The following RBFOX3 variants were observed in gnomAD, a reference collection of about 807,000 sequenced individuals.
RBFOX3 encodes RNA binding protein fox-1 homolog 3.
A neutral mutation model predicts 48.7 loss-of-function variants in RBFOX3; 17 were observed. The observed-to-expected ratio is 0.35, with a 90% confidence interval of 0.24 to 0.52. RBFOX3 has a LOEUF of 0.52. RBFOX3 is among the 20% of genes least tolerant of loss of function. The pLI is 0.94. For synonymous variants in RBFOX3, 212 were observed against 209.5 expected (o/e 1.01, Z -0.10); for missense variants, 382 against 497.5 (o/e 0.77, Z 2.21).
chr17:79,280,163 GCACACACCACTCACA>G (rs2069969288), intron 3 of RBFOX3, among the ~76,000 whole-genome samples: 1 of 99,518 alleles, frequency 1.0e-5, no homozygotes. Flanking sequence ...ACACACACAC[GCACACACCACTCACA>G]CACACATGCA....
intron 1 of RBFOX3, among the ~76,000 whole-genome samples, chr17:79,537,645 G>A (rs1461315311): frequency 1.3e-5 from 2 of 152,094 alleles, no homozygotes; most frequent in African/African-American, 4.8e-5. Context: ...AACAAAAACG[G>A]ACAAATCTAC....
intron 4 of RBFOX3, among the ~76,000 whole-genome samples, chr17:79,178,679 C>T (rs959552852): frequency 8.5e-5 from 13 of 152,230 alleles, no homozygotes; most frequent in African/African-American, 2.9e-4. Context: ...CGAGCTACTT[C>T]AGTAACCAAA....
chr17:79,631,315 C>T, the RBFOX3 span, among the ~76,000 whole-genome samples: 1 of 152,088 alleles, frequency 6.6e-6, no homozygotes, highest in Non-Finnish European at 1.5e-5. Context: ...TAGATGCCCC[C>T]AGGGTCAAGA....
intron 1 of RBFOX3, among the ~76,000 whole-genome samples, chr17:79,532,202 G>T (rs939817120): frequency 1.4e-4 from 22 of 152,260 alleles, no homozygotes; most frequent in African/African-American, 4.8e-4. Flanking sequence ...GCACTGGAGG[G>T]GGGAGGGGAG....
At chr17:79,133,039 C>CT (rs1202838702) in intron 4 of RBFOX3, among the ~76,000 whole-genome samples, 1 of 152,198 alleles carries the variant, frequency 6.6e-6, no homozygotes, top group African/African-American at 2.4e-5. Flanking sequence ...GCTGCCAAGG[C>CT]TGGGTGGGCC....
intron 1 of RBFOX3, among the ~76,000 whole-genome samples, chr17:79,565,403 G>A (rs1728876298): frequency 1.3e-5 from 2 of 149,602 alleles, no homozygotes; most frequent in Admixed American, 1.3e-4. Context: ...GCAACAGCAT[G>A]ATCTCAGCTC....
intron 3 of RBFOX3, among the ~76,000 whole-genome samples, chr17:79,256,580 T>C (rs969744977): frequency 1.3e-5 from 2 of 152,182 alleles, no homozygotes; most frequent in Admixed American, 6.5e-5. Flanking sequence ...AGAAAGTCTT[T>C]AGGTGGAAGA....
At chr17:79,230,483 T>A (rs563357081) in intron 4 of RBFOX3, among the ~76,000 whole-genome samples, 3,962 of 151,720 alleles carry the variant, frequency 0.026, 176 homozygotes, top group African/African-American at 0.091. Flanking sequence ...CTGGTCTCGA[T>A]CTGCTGACCT....
intron 4 of RBFOX3, among the ~76,000 whole-genome samples, chr17:79,164,823 A>G (rs2047677933): frequency 6.6e-6 from 1 of 152,106 alleles, no homozygotes; most frequent in South Asian, 2.1e-4. Flanking sequence ...AGGGGGAGCC[A>G]AACTGCAGAA....
At position 79,182,683 on chromosome 17, in the gene RBFOX3, G is replaced by A. The variant is rs576280037; in HGVS notation, c.-34+53083C>T. Among the ~76,000 whole-genome samples the A allele has an allele frequency of 4.9e-3, 740 of 151,970 alleles. 6 individuals are homozygous for A. The highest frequency in any genetic ancestry group is 0.017 in the African/African-American group (707 of 41,440). On this transcript the variant is annotated intron_variant, in intron 4 of 14. Transcript: ENST00000693108. ...CTCGCCAGCCGGAGCTTCCTGCGCA[G>A]CCCCCAAGATTGCAAAAGTCTGGCC...
chr17:79,187,867 G>T lies in RBFOX3; in HGVS notation c.-34+47899C>A, dbSNP rs1055113626. 2.0e-5 allele frequency among the ~76,000 whole-genome samples: 3 copies of T among 152,138 alleles called. No individual in the cohort carries two copies. The East Asian group carries it at 5.8e-4, about 29-fold the overall frequency. On this transcript the variant is annotated intron_variant, in intron 4 of 14. Transcript: ENST00000693108. The stretch of plus-strand genomic sequence containing the variant: ...CAGCAGACACCATGGGGGAAGGTCA[G>T]GCTGCGGATGGGAAACCCGGCAGAC...
At chr17:79,351,873 G>C (rs9895094) in intron 2 of RBFOX3, among the ~76,000 whole-genome samples, 128,194 of 152,136 alleles carry the variant, frequency 0.84, 54,178 homozygotes, top group Non-Finnish European at 0.89. Flanking sequence ...TGCTTTTGGA[G>C]TCCTACCCTC....
At chr17:79,148,944 C>T (rs893766751) in intron 4 of RBFOX3, among the ~76,000 whole-genome samples, 1 of 152,188 alleles carries the variant, frequency 6.6e-6, no homozygotes, top group African/African-American at 2.4e-5. Flanking sequence ...GGGCTTTCTC[C>T]AGGAACTTCA....
intron 4 of RBFOX3, among the ~76,000 whole-genome samples, chr17:79,151,294 A>T (rs901479844): frequency 1.3e-5 from 2 of 148,494 alleles, no homozygotes; most frequent in Non-Finnish European, 3.0e-5. Context: ...GGCTGAAGGG[A>T]CCCTGGGTCA....
intron 4 of RBFOX3, among the ~76,000 whole-genome samples, chr17:79,125,932 C>T (rs1009835462): frequency 1.3e-5 from 2 of 152,242 alleles, no homozygotes; most frequent in Non-Finnish European, 2.9e-5. Context: ...GGTCACCTGC[C>T]TGCCCAAGAG....
rs1253366080 is a variant in RBFOX3, at chr17:79,443,006, C to T, written c.-175+39448G>A. Among the ~76,000 whole-genome samples, 1 of 152,216 alleles carries T rather than the reference C, an allele frequency of 6.6e-6. No homozygotes were observed. The highest frequency in any genetic ancestry group is 2.4e-5 in the African/African-American group (1 of 41,464). ...CCAGCAGCTCGGCATTGGTCAGAAG[C>T]CTCCACCTGCCTGGAGAACCCCTGG... is the stretch of plus-strand genomic sequence containing the variant. On this transcript the variant is annotated intron_variant, in intron 2 of 14. Coordinates refer to ENST00000693108, the MANE Select transcript of RBFOX3 (RefSeq NM_001350451.2). This position sits in a 1 kb window ranked among gnomAD's most constrained non-coding sequence, Gnocchi z 4.4.
chr17:79,312,300 G>A (rs201124999), intron 2 of RBFOX3, among the ~76,000 whole-genome samples: 3 of 114,866 alleles, frequency 2.6e-5, no homozygotes, highest in Non-Finnish European at 5.8e-5. Context: ...AAAAAAAAAA[G>A]AGGGCGAAGG....
intron 4 of RBFOX3, among the ~76,000 whole-genome samples, chr17:79,176,434 C>T (rs951835276): frequency 2.6e-5 from 4 of 152,350 alleles, no homozygotes; most frequent in South Asian, 2.1e-4. Flanking sequence ...GCCGAGTAGT[C>T]CCAGCCTTCC....
At chr17:79,225,999 A>G (rs2060272656) in intron 4 of RBFOX3, among the ~76,000 whole-genome samples, 1 of 152,158 alleles carries the variant, frequency 6.6e-6, no homozygotes, top group Admixed American at 6.5e-5. Flanking sequence ...TGGTCAGAGT[A>G]AGTGTAATTG....
Sources: gnomAD v4.1 joint callset for allele counts (sites outside exome capture counted in the v4.1 genomes callset) on GRCh38, gnomAD v4.1.1 for gene constraint, Gnocchi (gnomAD v3.1) non-coding constraint, MANE v1.5 for transcripts, NCBI Gene and HGNC (gene_info 2026-07-23, HGNC 2026-07-21) for gene names.